FHIT: variants seen among roughly 807,000 people sequenced by gnomAD.
FHIT encodes fragile histidine triad diadenosine triphosphatase, also known as bis(5'-adenosyl)-triphosphatase.
In FHIT, 19 loss-of-function variants were observed where a neutral mutation model predicts 17.9. That is an observed-to-expected ratio of 1.06 (90% CI 0.74 to 1.56). FHIT has a LOEUF of 1.56. FHIT is among the 40% of genes most tolerant of loss of function. The pLI is 0.00. For synonymous variants in FHIT, 81 were observed against 69.7 expected (o/e 1.16, Z -0.81); for missense variants, 248 against 189.2 (o/e 1.31, Z -1.82).
chr3:60,919,181 T>C (rs981877380), intron 3 of FHIT, among the ~76,000 whole-genome samples: 1 of 152,134 alleles, frequency 6.6e-6, no homozygotes, highest in Non-Finnish European at 1.5e-5. Context: ...AAATATTCTG[T>C]AGGACTGTGG....
intron 8 of FHIT, among the ~76,000 whole-genome samples, chr3:59,864,325 T>A (rs1704573188): frequency 6.6e-6 from 1 of 152,058 alleles, no homozygotes; most frequent in African/African-American, 2.4e-5. Context: ...ATCTCATGGG[T>A]TTATCAGGGG....
chr3:61,086,016 T>A (rs1489801794), intron 2 of FHIT, among the ~76,000 whole-genome samples: 3 of 152,204 alleles, frequency 2.0e-5, no homozygotes, highest in Non-Finnish European at 2.9e-5. Flanking sequence ...CTTGCTAAAT[T>A]CATTTGTTAA....
intron 1 of FHIT, among the ~76,000 whole-genome samples, chr3:61,226,677 CAGAG>C (rs991974815): frequency 2.6e-5 from 4 of 152,140 alleles, no homozygotes; most frequent in African/African-American, 4.8e-5. Flanking sequence ...AAAACACAGA[CAGAG>C]AGAGAGAAAA....
At chr3:60,019,849 A>G (rs1196540857) in intron 5 of FHIT, among the ~76,000 whole-genome samples, 1 of 152,228 alleles carries the variant, frequency 6.6e-6, no homozygotes, top group Non-Finnish European at 1.5e-5. Context: ...TCAACTGGTG[A>G]GCTTCCCCAA....
intron 8 of FHIT, among the ~76,000 whole-genome samples, chr3:59,902,667 A>T (rs979188099): frequency 6.6e-6 from 1 of 152,212 alleles, no homozygotes; most frequent in African/African-American, 2.4e-5. Context: ...ACTAGAAGAC[A>T]TTATGCCAAG....
chr3:60,270,922 G>A (rs1576398779), intron 5 of FHIT, among the ~76,000 whole-genome samples: 1 of 152,006 alleles, frequency 6.6e-6, no homozygotes, highest in Non-Finnish European at 1.5e-5. Context: ...TCATAGAAAG[G>A]GCATTAAAAG....
chr3:60,447,849 G>A lies in FHIT; in HGVS notation c.103+89011C>T, dbSNP rs117319880. 9.4e-3 allele frequency among the ~76,000 whole-genome samples: 1,438 copies of A among 152,206 alleles called. 15 individuals are homozygous for A. The highest frequency in any genetic ancestry group is 0.028 in the East Asian group (146 of 5,178). Reference sequence around the variant, plus strand: ...AGAATATAGTGTCCTAGATGAAGACGTATGTAGTAAAGATGGGGGAAATGA... The same window carrying A: ...AGAATATAGTGTCCTAGATGAAGACATATGTAGTAAAGATGGGGGAAATGA... On this transcript the variant is annotated intron_variant, in intron 5 of 9. Coordinates refer to ENST00000492590, the MANE Select transcript of FHIT (RefSeq NM_002012.4).
At chr3:59,927,684 G>C (rs976962258) in intron 7 of FHIT, among the ~76,000 whole-genome samples, 4 of 152,144 alleles carry the variant, frequency 2.6e-5, no homozygotes, top group South Asian at 4.2e-4. Flanking sequence ...TAGGAGAATC[G>C]CTTGAACCCG....
At chr3:60,996,478 T>A (rs1314843543) in intron 3 of FHIT, among the ~76,000 whole-genome samples, 4 of 152,226 alleles carry the variant, frequency 2.6e-5, no homozygotes, top group African/African-American at 4.8e-5. Context: ...TGTGGCATTT[T>A]GTTGTTGCTG....
At chr3:60,830,820 T>TCA (rs1268189470) in intron 3 of FHIT, among the ~76,000 whole-genome samples, 15 of 151,532 alleles carry the variant, frequency 9.9e-5, no homozygotes, top group African/African-American at 2.7e-4. Context: ...GCAATCCAAT[T>TCA]CACACACACA....
chr3:59,852,496 T>G (rs1490561163), intron 8 of FHIT, among the ~76,000 whole-genome samples: 1 of 152,146 alleles, frequency 6.6e-6, no homozygotes, highest in Non-Finnish European at 1.5e-5. Context: ...GACTGGTACA[T>G]TTGTTACAAT....
At chr3:60,507,479 T>C (rs1441630683) in intron 5 of FHIT, among the ~76,000 whole-genome samples, 1 of 152,216 alleles carries the variant, frequency 6.6e-6, no homozygotes, top group African/African-American at 2.4e-5. Context: ...TTGTTTTGTT[T>C]TGTTTCATTT....
At chr3:60,808,015 G>A (rs1553734870) in intron 4 of FHIT, among the ~76,000 whole-genome samples, 1 of 152,200 alleles carries the variant, frequency 6.6e-6, no homozygotes, top group African/African-American at 2.4e-5. Flanking sequence ...AATAGGCCAT[G>A]AACATTTTTA....
At chr3:61,236,227 TATA>T (rs1218756080) in intron 1 of FHIT, among the ~76,000 whole-genome samples, 1 of 148,044 alleles carries the variant, frequency 6.8e-6, no homozygotes, top group East Asian at 1.9e-4. Flanking sequence ...GTTATAATAA[TATA>T]ATATAGATAT....
intron 5 of FHIT, among the ~76,000 whole-genome samples, chr3:60,411,205 T>G (rs866339324): frequency 6.6e-6 from 1 of 152,312 alleles, no homozygotes; most frequent in South Asian, 2.1e-4. Context: ...TAGAAAAATC[T>G]TGAACTAGTT....
intron 8 of FHIT, among the ~76,000 whole-genome samples, chr3:59,853,678 T>C (rs966511431): frequency 6.6e-6 from 1 of 152,176 alleles, no homozygotes; most frequent in Non-Finnish European, 1.5e-5. Flanking sequence ...CATCATATTC[T>C]ATTGTGGGTG....
chr3:60,052,450 T>A (rs1701920263), intron 5 of FHIT, among the ~76,000 whole-genome samples: 3 of 152,164 alleles, frequency 2.0e-5, no homozygotes, highest in Admixed American at 2.0e-4. Flanking sequence ...ATTAGTTGAC[T>A]GCTCTTTGGT....
At chr3:60,121,709 A>AAACAAAAAC (rs1553690214) in intron 5 of FHIT, among the ~76,000 whole-genome samples, 1,253 of 116,410 alleles carry the variant, frequency 0.011, 19 homozygotes, top group African/African-American at 0.033. Flanking sequence ...AAACAAAACA[A>AAACAAAAAC]ACACACACAC....
intron 5 of FHIT, among the ~76,000 whole-genome samples, chr3:60,210,274 ATTCCTTAG>A (rs2107514188): frequency 6.6e-6 from 1 of 152,310 alleles, no homozygotes; most frequent in Non-Finnish European, 1.5e-5. Context: ...AATCAGATCC[ATTCCTTAG>A]ACTTTAAACC....
Sources: allele counts gnomAD v4.1 joint callset (sites outside exome capture counted in the v4.1 genomes callset), GRCh38; gene constraint gnomAD v4.1.1; transcripts MANE v1.5; gene names NCBI Gene and HGNC (gene_info 2026-07-23, HGNC 2026-07-21).